Variants in LNPK observed in about 807,000 individuals in gnomAD.
LNPK encodes endoplasmic reticulum junction formation protein lunapark.
A neutral mutation model predicts 55.2 loss-of-function variants in LNPK; 29 were observed. That is an observed-to-expected ratio of 0.53 (90% CI 0.39 to 0.72). The LOEUF (loss-of-function observed/expected upper bound fraction) is 0.72, where lower values mean the gene tolerates loss of function less well. LNPK is among the 30% of genes least tolerant of loss of function. The probability of loss-of-function intolerance (pLI) is 0.00; values close to 1 mark genes in which losing one functional copy is unlikely to be tolerated. For missense variants in LNPK, 467 were observed against 494.8 expected (o/e 0.94, Z 0.53); for synonymous variants, 162 against 168.2 (o/e 0.96, Z 0.29).
rs1684175841 is a variant in LNPK at position 175,929,829 on chromosome 2, A to G, written c.*138T>C. 2 of 1,460,826 alleles carry G rather than the reference A, an allele frequency of 1.4e-6. No individual in the cohort carries two copies. The highest frequency in any genetic ancestry group is 1.8e-6 in the Non-Finnish European group (2 of 1,108,512). 90.5% of individuals were successfully genotyped at this position (1,460,826 alleles called of 1,614,324 possible). A position where few individuals can be genotyped will look rare whatever the true frequency, so the allele number is the denominator to read the frequency against. On this transcript the variant is annotated 3_prime_UTR_variant, in exon 13 of 13. Coordinates refer to ENST00000272748, the MANE Select transcript of LNPK (RefSeq NM_030650.3). ...CAGTATATATAACTTTGAGATGTTC[A>G]AATAGCTAGGCAATCTGAATTCAAA...
At chr2:175,938,728 A>G (rs1684670133) in intron 10 of LNPK, 1 of 159,770 alleles carries the variant, frequency 6.3e-6, no homozygotes, top group Non-Finnish European at 1.4e-5. Context: ...AAGCCTCCAA[A>G]TCTGTGGTCA....
In LNPK at chr2:176,002,244, A is replaced by G. The variant is rs1688196689; in HGVS notation, c.-147T>C. ...CGCCCAGCCTGCCTCCAGAGCAGGCAGCAGCCGCCACTGACAGAGAGACAA... is the reference window on the plus strand; with the variant it reads ...CGCCCAGCCTGCCTCCAGAGCAGGCGGCAGCCGCCACTGACAGAGAGACAA... On this transcript the variant is annotated 5_prime_UTR_variant, in exon 1 of 13. Transcript: ENST00000272748. 2.2e-6 allele frequency: 1 copy of G among 451,178 alleles called. No individual in the cohort carries two copies. Among genetic ancestry groups the G allele is most frequent in the Non-Finnish European group, 4.4e-6 (1 of 225,550 alleles). The allele number at this position is 451,178 out of a possible 1,614,324, so 27.9% of individuals were successfully genotyped here. A position where few individuals can be genotyped will look rare whatever the true frequency, so the allele number is the denominator to read the frequency against.
chr2:175,961,348 T>C (rs570362878), intron 8 of LNPK, among the ~76,000 whole-genome samples: 1 of 152,330 alleles, frequency 6.6e-6, no homozygotes, highest in South Asian at 2.1e-4. Context: ...AAAAAGCTTA[T>C]GCATGATGAT....
At chr2:175,961,937 T>C (rs1686053215) in intron 8 of LNPK, among the ~76,000 whole-genome samples, 1 of 152,026 alleles carries the variant, frequency 6.6e-6, no homozygotes, top group South Asian at 2.1e-4. Context: ...AAATCATGAG[T>C]GAACTCCCAT....
At chr2:175,932,837 T>C (rs1423007804) in intron 12 of LNPK, among the ~76,000 whole-genome samples, 1 of 152,202 alleles carries the variant, frequency 6.6e-6, no homozygotes, top group Non-Finnish European at 1.5e-5. Flanking sequence ...GAAGTTGTAG[T>C]TTAAAACAGC....
chr2:175,941,942 G>C (rs1684871542), intron 9 of LNPK, among the ~76,000 whole-genome samples: 1 of 150,116 alleles, frequency 6.7e-6, no homozygotes, highest in Non-Finnish European at 1.5e-5. Context: ...CGATGAAACA[G>C]TATGTTTAAA....
intron 6 of LNPK, chr2:175,967,635 C>A: frequency 1.0e-6 from 1 of 984,734 alleles, no homozygotes; most frequent in South Asian, 4.7e-5. Flanking sequence ...ATAAACTCAT[C>A]CTTTTATCAT....
intron 8 of LNPK, among the ~76,000 whole-genome samples, chr2:175,961,574 T>C (rs749970851): frequency 6.6e-5 from 10 of 152,206 alleles, no homozygotes; most frequent in Non-Finnish European, 1.2e-4. Flanking sequence ...GAGCTATTTA[T>C]GACAAACCTA....
At chr2:175,999,712 T>C (rs1688091454) in intron 1 of LNPK, among the ~76,000 whole-genome samples, 1 of 152,222 alleles carries the variant, frequency 6.6e-6, no homozygotes, top group Non-Finnish European at 1.5e-5. Context: ...CACTCTGATC[T>C]GATACCACAA....
intron 8 of LNPK, among the ~76,000 whole-genome samples, chr2:175,954,725 T>C (rs1050757137): frequency 2.0e-5 from 3 of 152,234 alleles, no homozygotes; most frequent in African/African-American, 4.8e-5. Context: ...AAGGTCCTAT[T>C]TGGTAAATTA....
rs548374211 is a variant in LNPK at position 175,948,202 on chromosome 2, G to GATAC, written c.494-511_494-510insGTAT. Among the ~76,000 whole-genome samples the GATAC allele has an allele frequency of 3.9e-5, 6 of 152,260 alleles. No individual in the cohort carries two copies. In the South Asian group the frequency reaches 1.2e-3, roughly 32 times the overall value. ...AGGTACCATTTCCATTCTCCTTTAT[G>GATAC]GTATTGCTATCCTTTTGGCAAATTT... is the stretch of plus-strand genomic sequence containing the variant. On this transcript the variant is annotated intron_variant, in intron 8 of 12. Transcript: ENST00000272748.
At chr2:175,942,482 T>G (rs1042044978) in intron 9 of LNPK, among the ~76,000 whole-genome samples, 2 of 152,138 alleles carry the variant, frequency 1.3e-5, no homozygotes, top group African/African-American at 4.8e-5. Flanking sequence ...CGTAACACAA[T>G]GTATGTTTTC....
chr2:175,958,417 C>T lies in LNPK; in HGVS notation c.493+5955G>A, dbSNP rs183093436. ...CTCTGCAGCCTCCTCTGGTGATACC[C>T]AGGCAAACAGGGTCTGGAGTGGACC... On this transcript the variant is annotated intron_variant, in intron 8 of 12. Coordinates refer to ENST00000272748, the MANE Select transcript of LNPK (RefSeq NM_030650.3). Among the ~76,000 whole-genome samples, 12 of 152,332 alleles carry T rather than the reference C, an allele frequency of 7.9e-5. No individual in the cohort carries two copies. The East Asian group carries it at 1.9e-3, about 25-fold the overall frequency.
At chr2:175,950,792 A>C (rs1007238031) in intron 8 of LNPK, among the ~76,000 whole-genome samples, 3 of 152,130 alleles carry the variant, frequency 2.0e-5, no homozygotes, top group African/African-American at 7.2e-5. Flanking sequence ...ATCAAGACAA[A>C]GAACTCAGCC....
intron 12 of LNPK, among the ~76,000 whole-genome samples, chr2:175,934,811 A>G (rs1209433668): frequency 6.6e-6 from 1 of 151,774 alleles, no homozygotes; most frequent in East Asian, 1.9e-4. Context: ...CTATATCCAT[A>G]ATTTCTTGTA....
At chr2:175,934,115 T>A (rs963918481) in intron 12 of LNPK, among the ~76,000 whole-genome samples, 4 of 152,212 alleles carry the variant, frequency 2.6e-5, no homozygotes, top group South Asian at 2.1e-4. Context: ...AAAAGATCTC[T>A]GTGTCTAAAA....
At chr2:175,945,043 C>T (rs1024473148) in intron 9 of LNPK, among the ~76,000 whole-genome samples, 2 of 151,740 alleles carry the variant, frequency 1.3e-5, no homozygotes, top group Non-Finnish European at 1.5e-5. Flanking sequence ...GGAATACAGG[C>T]ACCTGCCACC....
intron 9 of LNPK, among the ~76,000 whole-genome samples, chr2:175,942,543 C>T (rs997389165): frequency 6.6e-6 from 1 of 152,026 alleles, no homozygotes; most frequent in African/African-American, 2.4e-5. Flanking sequence ...TCTGAAAAAT[C>T]TCCAAATATT....
chr2:175,952,607 C>A (rs142337233), intron 8 of LNPK, among the ~76,000 whole-genome samples: 154 of 151,206 alleles, frequency 1.0e-3, no homozygotes, highest in African/African-American at 3.3e-3. Context: ...TTTCGCTATT[C>A]AAATTGTACT....
Sources: allele counts gnomAD v4.1 joint callset (sites outside exome capture counted in the v4.1 genomes callset), GRCh38; gene constraint gnomAD v4.1.1; transcripts MANE v1.5; gene names NCBI Gene and HGNC (gene_info 2026-07-23, HGNC 2026-07-21).